Variants in HDAC9 observed in about 807,000 individuals in gnomAD.
HDAC9 encodes MEF-2 interacting transcription repressor (MITR) protein.
In HDAC9, 41 loss-of-function variants were observed where a neutral mutation model predicts 139.4. That is an observed-to-expected ratio of 0.29 (90% CI 0.23 to 0.38). The LOEUF is 0.38. HDAC9 is among the 10% of genes least tolerant of loss of function. The pLI, the probability that HDAC9 is intolerant of heterozygous loss-of-function variation, is 1.00. For synonymous variants in HDAC9, 517 were observed against 476.2 expected (o/e 1.09, Z -1.12); for missense variants, 1,147 against 1,297.0 (o/e 0.88, Z 1.78).
intron 11 of HDAC9, among the ~76,000 whole-genome samples, chr7:18,655,935 A>C (rs989821589): frequency 7.9e-5 from 12 of 152,188 alleles, no homozygotes; most frequent in African/African-American, 2.9e-4. Context: ...GTTGTTTCCC[A>C]ACCTTGACAA....
exon 1 of HDAC9, chr7:18,290,432 C>T (rs1797730587): frequency 1.1e-5 from 5 of 455,310 alleles, no homozygotes; most frequent in Middle Eastern, 3.2e-4. Flanking sequence ...AATATTATAA[C>T]GGATACAGAA....
chr7:18,367,746 A>G (rs1460784540), intron 1 of HDAC9, among the ~76,000 whole-genome samples: 1 of 152,096 alleles, frequency 6.6e-6, no homozygotes, highest in Non-Finnish European at 1.5e-5. Flanking sequence ...CAACTGTGTA[A>G]GATAATTCCA....
intron 12 of HDAC9, among the ~76,000 whole-genome samples, chr7:18,674,714 T>G (rs1334629434): frequency 6.6e-6 from 1 of 152,068 alleles, no homozygotes; most frequent in Non-Finnish European, 1.5e-5. Context: ...TTATTCTCAC[T>G]TTTATTTTCG....
At chr7:18,226,222 T>G (rs1793045118) in intron 2 of HDAC9, among the ~76,000 whole-genome samples, 1 of 152,206 alleles carries the variant, frequency 6.6e-6, no homozygotes, top group Non-Finnish European at 1.5e-5. Flanking sequence ...TAGCTGATAC[T>G]GGAGCATGTT....
chr7:18,462,344 A>T (rs1247166647), intron 1 of HDAC9, among the ~76,000 whole-genome samples: 1 of 152,040 alleles, frequency 6.6e-6, no homozygotes, highest in Admixed American at 6.6e-5. Context: ...CTAGGTTCAC[A>T]TTATTACTCG....
chr7:18,112,965 G>C (rs1208427709), intron 1 of HDAC9, among the ~76,000 whole-genome samples: 3 of 152,162 alleles, frequency 2.0e-5, no homozygotes, highest in Admixed American at 6.5e-5. Context: ...AGCCAGTAGA[G>C]AGGGAGAGAT....
intron 11 of HDAC9, among the ~76,000 whole-genome samples, chr7:18,650,387 T>C (rs1407147036): frequency 1.3e-5 from 2 of 152,194 alleles, no homozygotes; most frequent in Non-Finnish European, 2.9e-5. Context: ...GTATATATTT[T>C]ACTATGGTAA....
chr7:18,481,241 A>G (rs1795525445), intron 1 of HDAC9, among the ~76,000 whole-genome samples: 1 of 152,176 alleles, frequency 6.6e-6, no homozygotes, highest in Admixed American at 6.5e-5. Flanking sequence ...TGGTATAATT[A>G]CCAAATAACA....
intron 2 of HDAC9, among the ~76,000 whole-genome samples, chr7:18,271,437 G>T (rs302177): frequency 3.3e-5 from 5 of 151,958 alleles, no homozygotes; most frequent in Non-Finnish European, 7.4e-5. Context: ...TCCTCACCAT[G>T]GTGTTGGACT....
intron 1 of HDAC9, among the ~76,000 whole-genome samples, chr7:18,442,519 C>A (rs1469660304): frequency 1.3e-5 from 2 of 152,162 alleles, no homozygotes; most frequent in African/African-American, 4.8e-5. Flanking sequence ...TATTCATATG[C>A]TCATTTTATC....
intron 16 of HDAC9, among the ~76,000 whole-genome samples, chr7:18,768,627 T>C (rs1464181741): frequency 6.6e-6 from 1 of 152,162 alleles, no homozygotes; most frequent in African/African-American, 2.4e-5. Flanking sequence ...GGCTGTTTTA[T>C]GAGAATGGCT....
intron 21 of HDAC9, among the ~76,000 whole-genome samples, chr7:18,841,398 T>C (rs1796573310): frequency 6.6e-6 from 1 of 152,116 alleles, no homozygotes; most frequent in Non-Finnish European, 1.5e-5. Context: ...AATATAATAA[T>C]AATAACACAG....
At position 19,001,389 on chromosome 7, in the gene HDAC9, G is replaced by A. The variant is rs1185224808; in HGVS notation, c.*5327G>A. ...AATGTTGCAATATTAAATATAATAG[G>A]GAGAGTTCACTGTTTCCTGGGACAT... On this transcript the variant is annotated 3_prime_UTR_variant, in exon 26 of 26. Transcript: ENST00000686413. 1 of 151,958 alleles carries A rather than the reference G, an allele frequency of 6.6e-6. No individual in the cohort carries two copies. Among genetic ancestry groups the A allele is most frequent in the African/African-American group, 2.4e-5 (1 of 41,386 alleles). The allele number at this position is 151,958 out of a possible 1,614,324, so 9.4% of individuals were successfully genotyped here.
intron 8 of HDAC9, among the ~76,000 whole-genome samples, chr7:18,643,637 G>A (rs1326716912): frequency 6.6e-6 from 1 of 152,010 alleles, no homozygotes; most frequent in Non-Finnish European, 1.5e-5. Context: ...TGATATCCCA[G>A]GTTTGTCCAG....
intron 6 of HDAC9, among the ~76,000 whole-genome samples, chr7:18,625,982 A>C (rs1240502394): frequency 7.1e-6 from 1 of 141,376 alleles, no homozygotes; most frequent in Non-Finnish European, 1.5e-5. Context: ...AAAGATATGT[A>C]GGACTATATT....
intron 2 of HDAC9, chr7:18,509,481 A>G (rs1190397525): frequency 1.0e-6 from 1 of 976,088 alleles, no homozygotes; most frequent in Non-Finnish European, 1.2e-6. Flanking sequence ...CCGAGTGATT[A>G]TCTCATTCAA....
chr7:18,931,950 A>G (rs1164002540), intron 22 of HDAC9, among the ~76,000 whole-genome samples: 1 of 152,182 alleles, frequency 6.6e-6, no homozygotes, highest in East Asian at 1.9e-4. Context: ...GTCAAAACCC[A>G]CAGAATGTAC....
chr7:18,140,634 C>G (rs1397138019), intron 1 of HDAC9, among the ~76,000 whole-genome samples: 1 of 152,044 alleles, frequency 6.6e-6, no homozygotes, highest in Non-Finnish European at 1.5e-5. Context: ...ATTATGATAA[C>G]AGATTTTTAA....
At chr7:18,658,899 C>CAAAAAAAA (rs11306117) in intron 11 of HDAC9, among the ~76,000 whole-genome samples, 5 of 118,128 alleles carry the variant, frequency 4.2e-5, no homozygotes, top group Admixed American at 8.2e-5. Flanking sequence ...AAAAAAAAAG[C>CAAAAAAAA]AAAAAAAAAA....
Sources: allele counts gnomAD v4.1 joint callset (sites outside exome capture counted in the v4.1 genomes callset), GRCh38; gene constraint gnomAD v4.1.1; transcripts MANE v1.5; gene names NCBI Gene and HGNC (gene_info 2026-07-23, HGNC 2026-07-21).